The following ZDHHC21 variants were observed in gnomAD, a reference collection of about 807,000 sequenced individuals.
ZDHHC21 encodes palmitoyltransferase ZDHHC21.
A neutral mutation model predicts 34.6 loss-of-function variants in ZDHHC21; 15 were observed. That is an observed-to-expected ratio of 0.43 (90% CI 0.29 to 0.67). The LOEUF is 0.67. Among genes scored for constraint, ZDHHC21 ranks in the 30% least tolerant of loss-of-function variants. The pLI is 0.14. For synonymous variants in ZDHHC21, 142 were observed against 101.8 expected, an observed-to-expected ratio of 1.40 and a Z score of -2.38; for missense variants, 344 against 327.7, an observed-to-expected ratio of 1.05 and a Z score of -0.38.
rs1823747020 is a variant in ZDHHC21 at position 14,613,898 on chromosome 9, TA to T, written c.*5067del. ...ATAGCTGAGTTTTCCACATTATTTT[TA>T]ACACTTCACATGATCATACTCTACA... On this transcript the variant is annotated 3_prime_UTR_variant, in exon 10 of 10. Coordinates refer to ENST00000380916, the MANE Select transcript of ZDHHC21 (RefSeq NM_178566.6). 6.6e-6 allele frequency: 1 copy of T among 151,778 alleles called. No individual in the cohort carries two copies. The highest frequency in any genetic ancestry group is 2.4e-5 in the African/African-American group (1 of 41,406). The allele number at this position is 151,778 out of a possible 1,614,324, so 9.4% of individuals were successfully genotyped here.
At chr9:14,644,355 C>G (rs1286116362) in intron 7 of ZDHHC21, among the ~76,000 whole-genome samples, 2 of 152,006 alleles carry the variant, frequency 1.3e-5, no homozygotes, top group African/African-American at 4.8e-5. Flanking sequence ...CCTTTTCTTT[C>G]TTTCTCTTGT....
chr9:14,630,274 T>C (rs1469261239), intron 8 of ZDHHC21, among the ~76,000 whole-genome samples: 1 of 152,182 alleles, frequency 6.6e-6, no homozygotes, highest in Non-Finnish European at 1.5e-5. Context: ...GTCCACAGTA[T>C]CTTCATTAAG....
In ZDHHC21 at chr9:14,612,578, AAGTG is replaced by A. The variant is rs1823489570; in HGVS notation, c.*6384_*6387del. ...AGTTTTAAAAATCTTACTCTATGTA[AAGTG>A]AGTAACCATATCCAGACTTTTTTCT... On this transcript the variant is annotated 3_prime_UTR_variant, in exon 10 of 10. Coordinates refer to ENST00000380916, the MANE Select transcript of ZDHHC21 (RefSeq NM_178566.6). 1 of 151,954 alleles carries A rather than the reference AAGTG, an allele frequency of 6.6e-6. No homozygotes were observed. The highest frequency in any genetic ancestry group is 2.4e-5 in the African/African-American group (1 of 41,430). The allele number at this position is 151,954 out of a possible 1,614,324, so 9.4% of individuals were successfully genotyped here. A position where few individuals can be genotyped will look rare whatever the true frequency, so the allele number is the denominator to read the frequency against.
intron 3 of ZDHHC21, among the ~76,000 whole-genome samples, chr9:14,679,343 C>T (rs796506602): frequency 1.3e-5 from 2 of 152,070 alleles, no homozygotes; most frequent in African/African-American, 2.4e-5. Context: ...ATAGGTATTC[C>T]GATGTTAAAC....
the ZDHHC21 span, among the ~76,000 whole-genome samples, chr9:14,600,035 C>A: frequency 6.6e-6 from 1 of 152,124 alleles, no homozygotes; most frequent in Non-Finnish European, 1.5e-5. Context: ...TATGACAAAA[C>A]CACAGCCAAT....
At chr9:14,653,053 T>A (rs926715428) in intron 7 of ZDHHC21, among the ~76,000 whole-genome samples, 2 of 151,960 alleles carry the variant, frequency 1.3e-5, no homozygotes, top group Admixed American at 6.6e-5. Flanking sequence ...TTTAACTGCA[T>A]CATTACTCCC....
At chr9:14,629,139 T>G (rs10756587) in intron 8 of ZDHHC21, among the ~76,000 whole-genome samples, 58,767 of 152,074 alleles carry the variant, frequency 0.39, 11,701 homozygotes, top group Non-Finnish European at 0.44. Flanking sequence ...CAATTCTTTT[T>G]TGATTGTTTT....
chr9:14,685,934 T>C (rs1838239132), intron 2 of ZDHHC21, among the ~76,000 whole-genome samples: 1 of 152,042 alleles, frequency 6.6e-6, no homozygotes, highest in South Asian at 2.1e-4. Context: ...AAACCATCAT[T>C]CTCAGCAAAC....
intron 8 of ZDHHC21, among the ~76,000 whole-genome samples, chr9:14,635,853 T>A (rs1041789477): frequency 3.3e-5 from 5 of 152,122 alleles, no homozygotes; most frequent in Non-Finnish European, 7.4e-5. Context: ...AGAGCAAGAC[T>A]CTGTCTCAAT....
At position 14,690,392 on chromosome 9, in the gene ZDHHC21, T is replaced by C. The variant is rs1838990693; in HGVS notation, c.-224-7A>G. On this transcript the variant is annotated splice_polypyrimidine_tract_variant and splice_region_variant and intron_variant, in intron 1 of 9. Coordinates refer to ENST00000380916, the MANE Select transcript of ZDHHC21 (RefSeq NM_178566.6). ...AGTGAAAAAGTTCTTCATTCTGTAA[T>C]TACAGATAAAAAGCTTAAAATCAGA... The C allele has an allele frequency of 2.2e-6, 1 of 455,718 alleles. No homozygotes were observed. The highest frequency in any genetic ancestry group is 4.4e-6 in the Non-Finnish European group (1 of 226,688). 28.2% of individuals were successfully genotyped at this position (455,718 alleles called of 1,614,324 possible).
chr9:14,601,704 T>C, the ZDHHC21 span, among the ~76,000 whole-genome samples: 17 of 152,372 alleles, frequency 1.1e-4, no homozygotes, highest in East Asian at 3.3e-3. Flanking sequence ...CATGTATGTT[T>C]ACTGCAGTAC....
chr9:14,612,855 C>CA lies in ZDHHC21; in HGVS notation c.*6110dup. On this transcript the variant is annotated 3_prime_UTR_variant, in exon 10 of 10. Coordinates refer to ENST00000380916, the MANE Select transcript of ZDHHC21 (RefSeq NM_178566.6). The stretch of plus-strand genomic sequence containing the variant: ...AGCCACTAAAGATTACACACACACA[C>CA]ACACACACACACACACACACACACA... 2.3e-5 allele frequency: 2 copies of CA among 86,868 alleles called. No homozygotes were observed. Among genetic ancestry groups the CA allele is most frequent in the East Asian group, 6.4e-4 (2 of 3,136 alleles). 5.4% of individuals were successfully genotyped at this position (86,868 alleles called of 1,614,324 possible). A position where few individuals can be genotyped will look rare whatever the true frequency, so the allele number is the denominator to read the frequency against.
intron 7 of ZDHHC21, among the ~76,000 whole-genome samples, chr9:14,655,278 G>T (rs1159538920): frequency 2.0e-5 from 3 of 151,428 alleles, no homozygotes; most frequent in African/African-American, 4.9e-5. Context: ...CTTCAAAAAT[G>T]AAGGAGAAAT....
At chr9:14,691,800 T>A (rs1417156189) in intron 1 of ZDHHC21, among the ~76,000 whole-genome samples, 1 of 152,218 alleles carries the variant, frequency 6.6e-6, no homozygotes, top group Admixed American at 6.5e-5. Context: ...AATTATACAT[T>A]TTAACTTATA....
chr9:14,598,660 C>T, the ZDHHC21 span, among the ~76,000 whole-genome samples: 111 of 152,132 alleles, frequency 7.3e-4, 2 homozygotes, highest in African/African-American at 2.6e-3. Flanking sequence ...ATTTAAAAAG[C>T]TCAGTGAAAT....
Position 14,618,799 on chromosome 9 carries a change from C to A in ZDHHC21, c.*167G>T. ...TTAAATATAGATCTTGTATTAGTCCCACAACAGGATCAAGATCACTATTAA... is the reference window on the plus strand; with the variant it reads ...TTAAATATAGATCTTGTATTAGTCCAACAACAGGATCAAGATCACTATTAA... On this transcript the variant is annotated 3_prime_UTR_variant, in exon 10 of 10. Transcript: ENST00000380916. 1.6e-6 allele frequency: 1 copy of A among 622,086 alleles called. No individual in the cohort carries two copies. The highest frequency in any genetic ancestry group is 2.4e-6 in the Non-Finnish European group (1 of 422,170). The allele number at this position is 622,086 out of a possible 1,614,324, so 38.5% of individuals were successfully genotyped here. A position where few individuals can be genotyped will look rare whatever the true frequency, so the allele number is the denominator to read the frequency against.
rs1829028391 is a variant in ZDHHC21 at position 14,639,920 on chromosome 9, G to A, written c.597C>T (p.Tyr199=). 5 of 1,602,726 alleles carry A rather than the reference G, an allele frequency of 3.1e-6. No homozygotes were observed. The highest frequency in any genetic ancestry group is 1.3e-5 in the African/African-American group (1 of 74,666). The change falls in exon 8 of 10, where the codon TAC becomes TAT. Residue 199 remains tyrosine, a synonymous_variant. Coordinates refer to ENST00000380916, the MANE Select transcript of ZDHHC21 (RefSeq NM_178566.6). ...TMLVGITGLF[Y]TQLIGIITDT... The stretch of plus-strand genomic sequence containing the variant: ...CTGTGATGATGCCAATTAGTTGAGT[G>A]TAAAAGAGTCCAGTTATTCCAACTA...
At chr9:14,647,601 T>C (rs1830483455) in intron 7 of ZDHHC21, among the ~76,000 whole-genome samples, 1 of 152,136 alleles carries the variant, frequency 6.6e-6, no homozygotes, top group Non-Finnish European at 1.5e-5. Context: ...CACCATGTCA[T>C]TGGCTTTCCA....
At chr9:14,597,596 G>A in the ZDHHC21 span, among the ~76,000 whole-genome samples, 1 of 152,104 alleles carries the variant, frequency 6.6e-6, no homozygotes, top group Non-Finnish European at 1.5e-5. Flanking sequence ...AGAGGCCTGA[G>A]GACAGGTCTG....
Sources: allele counts gnomAD v4.1 joint callset (sites outside exome capture counted in the v4.1 genomes callset), GRCh38; gene constraint gnomAD v4.1.1; transcripts MANE v1.5; gene names NCBI Gene and HGNC (gene_info 2026-07-23, HGNC 2026-07-21).